PID1: variants seen among roughly 807,000 people sequenced by gnomAD.
PID1 encodes phosphotyrosine interaction domain containing 1, also known as PTB-containing, cubilin and LRP1-interacting protein.
In PID1, 10 loss-of-function variants were observed where a neutral mutation model predicts 19.1. The observed-to-expected ratio is 0.52, with a 90% confidence interval of 0.32 to 0.89. The LOEUF (loss-of-function observed/expected upper bound fraction) is 0.89, where lower values mean the gene tolerates loss of function less well. Among genes scored for constraint, PID1 ranks in the 40% least tolerant of loss-of-function variants. PID1 has a pLI of 0.03. For missense variants in PID1, 248 were observed against 285.3 expected (o/e 0.87, Z 0.94); for synonymous variants, 130 against 116.0 (o/e 1.12, Z -0.78).
intron 2 of PID1, among the ~76,000 whole-genome samples, chr2:229,151,782 G>A (rs1690260190): frequency 6.6e-6 from 1 of 152,122 alleles, no homozygotes; most frequent in African/African-American, 2.4e-5. Context: ...GTGTTAGCCA[G>A]GATGGTCTAG....
intron 2 of PID1, among the ~76,000 whole-genome samples, chr2:229,041,934 C>T (rs987594451): frequency 6.6e-6 from 1 of 152,140 alleles, no homozygotes. Flanking sequence ...TGGATCAGTT[C>T]CCGGGCACTC....
intron 1 of PID1, among the ~76,000 whole-genome samples, chr2:229,193,850 T>C (rs983095418): frequency 1.3e-5 from 2 of 150,880 alleles, no homozygotes; most frequent in African/African-American, 4.9e-5. Flanking sequence ...TGATGTCAAG[T>C]AAAATTTGCT....
intron 2 of PID1, among the ~76,000 whole-genome samples, chr2:229,029,501 G>A (rs189688905): frequency 6.6e-6 from 1 of 152,090 alleles, no homozygotes; most frequent in East Asian, 1.9e-4. Flanking sequence ...ATTTAAAACA[G>A]TACAATTTCT....
At chr2:229,153,496 A>G (rs1425320569) in intron 2 of PID1, among the ~76,000 whole-genome samples, 1 of 152,104 alleles carries the variant, frequency 6.6e-6, no homozygotes, top group East Asian at 1.9e-4. Flanking sequence ...TCCAAATGAA[A>G]TCATTGTCGA....
intron 1 of PID1, among the ~76,000 whole-genome samples, chr2:229,254,793 C>A (rs1406011637): frequency 6.6e-6 from 1 of 152,162 alleles, no homozygotes; most frequent in Non-Finnish European, 1.5e-5. Flanking sequence ...CAAAAGCCAA[C>A]CTTTTCAGAA....
At chr2:229,270,064 T>C (rs981231931) in intron 1 of PID1, among the ~76,000 whole-genome samples, 4 of 152,200 alleles carry the variant, frequency 2.6e-5, no homozygotes, top group African/African-American at 9.6e-5. Context: ...CCTGGCCTCA[T>C]TGTCCTAAGT....
At chr2:229,257,033 T>A (rs1312161363) in intron 1 of PID1, among the ~76,000 whole-genome samples, 1 of 152,220 alleles carries the variant, frequency 6.6e-6, no homozygotes, top group Non-Finnish European at 1.5e-5. Context: ...GTGGTCTGAC[T>A]TGTAATCTAA....
Position 229,232,145 on chromosome 2 carries a change from C to A in PID1, c.30+38869G>T, listed in dbSNP as rs111912097. 27 of 1,446,532 alleles carry A rather than the reference C, an allele frequency of 1.9e-5. No individual in the cohort carries two copies. In the African/African-American group the frequency reaches 2.0e-4, roughly 11 times the overall value. 89.6% of individuals were successfully genotyped at this position (1,446,532 alleles called of 1,614,324 possible). A position where few individuals can be genotyped will look rare whatever the true frequency, so the allele number is the denominator to read the frequency against. ...CCACCTCTTAAAGGTCCCTCTTGGC[C>A]GGGTGCAGTGGCTCACGCCTGTAAT... On this transcript the variant is annotated intron_variant, in intron 1 of 2. Transcript: ENST00000392055.
At chr2:229,104,074 T>C (rs1695125682) in intron 2 of PID1, among the ~76,000 whole-genome samples, 1 of 152,154 alleles carries the variant, frequency 6.6e-6, no homozygotes, top group Non-Finnish European at 1.5e-5. Context: ...CTGGTTTACT[T>C]ATTTGTTTAT....
intron 1 of PID1, among the ~76,000 whole-genome samples, chr2:229,202,760 A>G (rs1691526124): frequency 6.6e-6 from 1 of 152,122 alleles, no homozygotes; most frequent in Non-Finnish European, 1.5e-5. Flanking sequence ...GTAAGCGGAA[A>G]TGGTTTACTT....
chr2:229,144,243 T>A (rs1434525722), intron 2 of PID1, among the ~76,000 whole-genome samples: 1 of 151,952 alleles, frequency 6.6e-6, no homozygotes, highest in East Asian at 1.9e-4. Context: ...CAGAGGAGCA[T>A]CCAACACAGC....
intron 1 of PID1, among the ~76,000 whole-genome samples, chr2:229,183,827 A>T (rs1418850301): frequency 1.3e-5 from 2 of 150,930 alleles, no homozygotes; most frequent in Non-Finnish European, 1.5e-5. Flanking sequence ...TGCAAAGCCA[A>T]TTCCTTATAA....
At chr2:229,245,842 A>T (rs180784836) in intron 1 of PID1, among the ~76,000 whole-genome samples, 1 of 152,120 alleles carries the variant, frequency 6.6e-6, no homozygotes, top group Non-Finnish European at 1.5e-5. Flanking sequence ...AAATTTCCCA[A>T]TTCCTAGTTC....
intron 2 of PID1, among the ~76,000 whole-genome samples, chr2:229,054,775 G>C (rs1476125117): frequency 4.2e-5 from 6 of 142,926 alleles, no homozygotes; most frequent in Non-Finnish European, 9.0e-5. Context: ...CAATATTCCT[G>C]ACCTATCAGT....
chr2:229,142,051 T>G (rs974572957), intron 2 of PID1, among the ~76,000 whole-genome samples: 4 of 152,120 alleles, frequency 2.6e-5, no homozygotes, highest in Admixed American at 2.6e-4. Context: ...TTTATGAAAT[T>G]TTTATGACCC....
intron 1 of PID1, among the ~76,000 whole-genome samples, chr2:229,160,115 A>T (rs1017842531): frequency 6.6e-6 from 1 of 152,214 alleles, no homozygotes; most frequent in African/African-American, 2.4e-5. Flanking sequence ...CAGAGCATCA[A>T]TCCAACTTCT....
At chr2:229,056,557 AGT>A (rs1448308423) in intron 2 of PID1, among the ~76,000 whole-genome samples, 3 of 131,666 alleles carry the variant, frequency 2.3e-5, no homozygotes, top group Non-Finnish European at 5.3e-5. Flanking sequence ...TATTTCAAAA[AGT>A]AAAAAAACAT....
intron 1 of PID1, among the ~76,000 whole-genome samples, chr2:229,229,693 C>G (rs150055564): frequency 7.4e-4 from 113 of 152,300 alleles, no homozygotes; most frequent in Middle Eastern, 3.4e-3. Context: ...ATATAACTTT[C>G]CTTATATCAA....
At chr2:229,060,094 A>C (rs1266096427) in intron 2 of PID1, among the ~76,000 whole-genome samples, 1 of 152,156 alleles carries the variant, frequency 6.6e-6, no homozygotes, top group Non-Finnish European at 1.5e-5. Context: ...GCTTATTCAC[A>C]AAACCATCAC....
Sources: gnomAD v4.1 joint callset for allele counts (sites outside exome capture counted in the v4.1 genomes callset) on GRCh38, gnomAD v4.1.1 for gene constraint, MANE v1.5 for transcripts, NCBI Gene and HGNC (gene_info 2026-07-23, HGNC 2026-07-21) for gene names.